OR51B5: variants seen among roughly 807,000 people sequenced by gnomAD.
OR51B5 encodes olfactory receptor family 51 subfamily B member 5, also known as olfactory receptor 51B5.
For missense variants in OR51B5, 456 were observed against 374.6 expected (o/e 1.22, Z -1.79); for synonymous variants, 186 against 144.8 (o/e 1.28, Z -2.04).
chr11:5,351,176 T>TGAAAGA, intron 1 of OR51B5, among the ~76,000 whole-genome samples: 1 of 152,312 alleles, frequency 6.6e-6, no homozygotes, highest in South Asian at 2.1e-4. Flanking sequence ...TATTCAAATA[T>TGAAAGA]AGTGATTTCT....
At chr11:5,448,401 C>T (rs1419127529) in intron 1 of OR51B5, among the ~76,000 whole-genome samples, 1 of 152,090 alleles carries the variant, frequency 6.6e-6, no homozygotes, top group Non-Finnish European at 1.5e-5. Context: ...ACTATTGTTG[C>T]ATTGAGGTAG....
intron 1 of OR51B5, among the ~76,000 whole-genome samples, chr11:5,478,060 G>A (rs1221138090): frequency 6.6e-6 from 1 of 151,850 alleles, no homozygotes. Context: ...TGGGGGCAGG[G>A]CACAGACAAA....
At chr11:5,463,362 T>C (rs1851088508) in intron 1 of OR51B5, among the ~76,000 whole-genome samples, 1 of 152,224 alleles carries the variant, frequency 6.6e-6, no homozygotes, top group Admixed American at 6.5e-5. Context: ...TGGTGTGTGA[T>C]AGGCTTTATT....
At chr11:5,450,821 T>C (rs1283216392) in intron 1 of OR51B5, among the ~76,000 whole-genome samples, 1 of 152,160 alleles carries the variant, frequency 6.6e-6, no homozygotes, top group African/African-American at 2.4e-5. Flanking sequence ...CATGCGGTGT[T>C]TGGTTTTCTG....
At chr11:5,464,935 G>A (rs1025710472) in intron 1 of OR51B5, among the ~76,000 whole-genome samples, 24 of 152,088 alleles carry the variant, frequency 1.6e-4, no homozygotes, top group East Asian at 3.9e-4. Flanking sequence ...GGCTGGGCGC[G>A]GTGGCTCACG....
chr11:5,474,809 T>C (rs758268281), intron 1 of OR51B5, among the ~76,000 whole-genome samples: 2 of 152,164 alleles, frequency 1.3e-5, no homozygotes, highest in Non-Finnish European at 2.9e-5. Context: ...GATAAGCATT[T>C]TCTCAAATCT....
intron 1 of OR51B5, chr11:5,431,696 GA>G (rs1462040450): frequency 6.6e-6 from 1 of 152,656 alleles, no homozygotes; most frequent in Non-Finnish European, 1.5e-5. Context: ...CGGCCAACCT[GA>G]AAAGTTGAAG....
At chr11:5,422,976 G>A (rs1431259904) in intron 1 of OR51B5, 1 of 1,613,950 alleles carries the variant, frequency 6.2e-7, no homozygotes, top group African/African-American at 1.3e-5. Context: ...CCCATGGTTG[G>A]TGTATCTATG....
At chr11:5,377,488 G>A (rs974268744) in intron 1 of OR51B5, among the ~76,000 whole-genome samples, 1 of 152,092 alleles carries the variant, frequency 6.6e-6, no homozygotes, top group Non-Finnish European at 1.5e-5. Flanking sequence ...CAGGAAAAAA[G>A]GGTATTCAAT....
At chr11:5,383,661 A>G (rs1024855073) in intron 1 of OR51B5, among the ~76,000 whole-genome samples, 2 of 152,190 alleles carry the variant, frequency 1.3e-5, no homozygotes, top group African/African-American at 4.8e-5. Flanking sequence ...TGAATGCTAA[A>G]AAGTTAGGGC....
intron 1 of OR51B5, chr11:5,390,380 G>C (rs1201710839): frequency 2.5e-6 from 4 of 1,584,430 alleles, no homozygotes; most frequent in Non-Finnish European, 3.4e-6. Context: ...CAGTAAATGA[G>C]TCCTGGGGCT....
chr11:5,385,695 T>TAA (rs1267533561), intron 1 of OR51B5, among the ~76,000 whole-genome samples: 1 of 147,928 alleles, frequency 6.8e-6, no homozygotes, highest in Non-Finnish European at 1.5e-5. Context: ...CTATAATATA[T>TAA]ATGTTGTACA....
chr11:5,350,703 G>A (rs1849067356), intron 1 of OR51B5, among the ~76,000 whole-genome samples: 1 of 152,132 alleles, frequency 6.6e-6, no homozygotes, highest in South Asian at 2.1e-4. Flanking sequence ...GCCTTCAAAA[G>A]CTTATCATCA....
At position 5,416,371 on chromosome 11, in the gene OR51B5, C is replaced by A. The variant is rs1284803573; in HGVS notation, n.85-69461G>T. ...ATTCCCTTTGAAAACTGGCACAAGACAAGGATGCCCTCTCTCACCACCCCT... is the reference window on the plus strand; with the variant it reads ...ATTCCCTTTGAAAACTGGCACAAGAAAAGGATGCCCTCTCTCACCACCCCT... On this transcript the variant is annotated intron_variant and non_coding_transcript_variant, in intron 1 of 4. Transcript: ENST00000415970. Among the ~76,000 whole-genome samples the A allele has an allele frequency of 2.0e-5, 3 of 151,958 alleles. No homozygotes were observed. In the South Asian group the frequency reaches 6.3e-4, roughly 32 times the overall value.
chr11:5,370,615 G>A (rs74816552), intron 1 of OR51B5, among the ~76,000 whole-genome samples: 4,706 of 152,106 alleles, frequency 0.031, 241 homozygotes, highest in African/African-American at 0.11. Context: ...TTTAACAAGC[G>A]GTCATTGTTT....
At chr11:5,349,078 T>TG (rs1849036235) in intron 1 of OR51B5, among the ~76,000 whole-genome samples, 1 of 152,132 alleles carries the variant, frequency 6.6e-6, no homozygotes, top group African/African-American at 2.4e-5. Context: ...TTCTCATTAA[T>TG]AAAAACTCAA....
At chr11:5,458,721 T>C (rs1384342743) in intron 1 of OR51B5, among the ~76,000 whole-genome samples, 1 of 152,176 alleles carries the variant, frequency 6.6e-6, no homozygotes, top group Non-Finnish European at 1.5e-5. Flanking sequence ...TGTAACTATT[T>C]TGATTGGGAC....
chr11:5,443,782 T>C (rs1195440386), intron 1 of OR51B5, among the ~76,000 whole-genome samples: 2 of 152,016 alleles, frequency 1.3e-5, no homozygotes, highest in African/African-American at 4.8e-5. Context: ...GGAGTGTCCA[T>C]GAAAACTTCC....
At chr11:5,396,098 T>A (rs1390605242) in intron 1 of OR51B5, among the ~76,000 whole-genome samples, 1 of 152,200 alleles carries the variant, frequency 6.6e-6, no homozygotes, top group African/African-American at 2.4e-5. Context: ...AATACAGATC[T>A]GGTCCCAGAG....
Sources: allele counts gnomAD v4.1 joint callset (sites outside exome capture counted in the v4.1 genomes callset), GRCh38; gene constraint gnomAD v4.1.1; transcripts MANE v1.5; gene names NCBI Gene and HGNC (gene_info 2026-07-23, HGNC 2026-07-21).